OSBPL6: variants seen among roughly 807,000 people sequenced by gnomAD.
OSBPL6 encodes the protein oxysterol-binding protein-related protein 6.
A neutral mutation model predicts 125.8 loss-of-function variants in OSBPL6; 49 were observed. That is an observed-to-expected ratio of 0.39 (90% CI 0.31 to 0.49). The LOEUF (loss-of-function observed/expected upper bound fraction) is 0.49. Ranked by LOEUF, OSBPL6 falls within the 20% of genes least tolerant of loss-of-function variation. The probability of loss-of-function intolerance (pLI) is 0.88; values close to 1 mark genes in which losing one functional copy is unlikely to be tolerated. For synonymous variants in OSBPL6, 394 were observed against 391.8 expected (o/e 1.01, Z -0.07); for missense variants, 986 against 1,135.4 (o/e 0.87, Z 1.89).
At chr2:178,259,559 A>C (rs907525845) in intron 1 of OSBPL6, among the ~76,000 whole-genome samples, 4 of 152,126 alleles carry the variant, frequency 2.6e-5, no homozygotes, top group African/African-American at 9.7e-5. Context: ...ATTTTCTTTG[A>C]ATTCTTTAAC....
chr2:178,206,359 C>T (rs1199927093), intron 1 of OSBPL6, among the ~76,000 whole-genome samples: 2 of 152,180 alleles, frequency 1.3e-5, no homozygotes, highest in Non-Finnish European at 2.9e-5. Context: ...ACAGGAAAAA[C>T]GGTGTCCTTA....
chr2:178,270,761 C>T (rs1440994575), intron 1 of OSBPL6, among the ~76,000 whole-genome samples: 1 of 152,062 alleles, frequency 6.6e-6, no homozygotes, highest in African/African-American at 2.4e-5. Context: ...TAGAATAATC[C>T]ATTGGTCTTG....
chr2:178,320,748 A>G (rs930515751), intron 3 of OSBPL6, among the ~76,000 whole-genome samples: 1 of 152,254 alleles, frequency 6.6e-6, no homozygotes, highest in Non-Finnish European at 1.5e-5. Context: ...ATGACTACTC[A>G]TAGCTTTAAA....
chr2:178,328,477 G>A, intron 5 of OSBPL6, 99 bp downstream of exon 5: 1 of 1,458,090 alleles, frequency 6.9e-7, no homozygotes, highest in East Asian at 2.3e-5. Flanking sequence ...GGCAGTATGT[G>A]TAAAACTAGC....
chr2:178,270,657 T>C (rs1380442835), intron 1 of OSBPL6, among the ~76,000 whole-genome samples: 4 of 152,206 alleles, frequency 2.6e-5, no homozygotes, highest in Non-Finnish European at 5.9e-5. Flanking sequence ...AAGTTGGATG[T>C]TTGATATGAA....
At chr2:178,382,957 T>C in intron 16 of OSBPL6, 67 bp from the exon 17 acceptor site, 2 of 1,567,076 alleles carry the variant, frequency 1.3e-6, no homozygotes, top group South Asian at 1.2e-5. Context: ...TTGAAAGTTA[T>C]TTCCCTTCTT....
At chr2:178,248,213 G>A (rs939835129) in intron 1 of OSBPL6, among the ~76,000 whole-genome samples, 6 of 152,168 alleles carry the variant, frequency 3.9e-5, no homozygotes, top group Non-Finnish European at 7.4e-5. Context: ...AGAAAGTTTA[G>A]TCCCATCTTA....
intron 1 of OSBPL6, among the ~76,000 whole-genome samples, chr2:178,204,291 T>C (rs2089421653): frequency 6.6e-6 from 1 of 152,216 alleles, no homozygotes; most frequent in South Asian, 2.1e-4. Flanking sequence ...CCCAAAATGC[T>C]GGGATTACAG....
chr2:178,333,156 G>C, intron 8 of OSBPL6, 115 bp downstream of exon 8: 1 of 1,114,348 alleles, frequency 9.0e-7, no homozygotes, highest in Non-Finnish European at 1.3e-6. Flanking sequence ...GCCAAGGCGG[G>C]TGGATCGCCT....
intron 2 of OSBPL6, among the ~76,000 whole-genome samples, chr2:178,305,462 G>A (rs574944978): frequency 5.3e-4 from 81 of 152,264 alleles, no homozygotes; most frequent in African/African-American, 1.8e-3. Flanking sequence ...AGATGTTTGC[G>A]AGCATGTTGG....
At chr2:178,384,877 T>G (rs1287891024) in intron 18 of OSBPL6, among the ~76,000 whole-genome samples, 1 of 144,092 alleles carries the variant, frequency 6.9e-6, no homozygotes. Flanking sequence ...GTAGCCTTTT[T>G]AAAAAAAAAA....
At chr2:178,293,299 T>A (rs1685453299) in intron 2 of OSBPL6, among the ~76,000 whole-genome samples, 1 of 151,442 alleles carries the variant, frequency 6.6e-6, no homozygotes, top group South Asian at 2.1e-4. Context: ...TTGGGGAGAG[T>A]GGTGGGTGGG....
At chr2:178,237,464 C>T (rs1217915830) in intron 1 of OSBPL6, among the ~76,000 whole-genome samples, 2 of 152,206 alleles carry the variant, frequency 1.3e-5, no homozygotes, top group African/African-American at 2.4e-5. Flanking sequence ...TTGAAAAGGT[C>T]TCCTCTGTTG....
intron 15 of OSBPL6, 80 bp from the exon 16 acceptor site, chr2:178,382,340 G>T: frequency 1.3e-6 from 2 of 1,482,282 alleles, no homozygotes; most frequent in Non-Finnish European, 1.8e-6. Context: ...ACAATATTTT[G>T]TTATTTTTAA....
At chr2:178,195,833 G>C (rs762196666) in intron 1 of OSBPL6, among the ~76,000 whole-genome samples, 2 of 151,740 alleles carry the variant, frequency 1.3e-5, no homozygotes, top group Non-Finnish European at 2.9e-5. Context: ...AATTTTCTTG[G>C]ACATCTTTTC....
intron 1 of OSBPL6, among the ~76,000 whole-genome samples, chr2:178,202,545 G>A (rs1216344862): frequency 2.0e-5 from 3 of 151,806 alleles, no homozygotes; most frequent in Non-Finnish European, 2.9e-5. Context: ...TTTATCTGCC[G>A]GGCGCTGTGG....
intron 12 of OSBPL6, among the ~76,000 whole-genome samples, chr2:178,354,651 C>T (rs1024741529): frequency 6.6e-6 from 1 of 152,108 alleles, no homozygotes; most frequent in Non-Finnish European, 1.5e-5. Flanking sequence ...AGACTTAACA[C>T]CCCACTGTCA....
intron 1 of OSBPL6, among the ~76,000 whole-genome samples, chr2:178,282,778 A>G (rs6756568): frequency 0.051 from 7,736 of 152,136 alleles, 358 homozygotes; most frequent in African/African-American, 0.12. Context: ...CAGCCTCCTA[A>G]GTAGCTGGGA....
At chr2:178,355,931 A>G (rs1276362806) in intron 12 of OSBPL6, among the ~76,000 whole-genome samples, 2 of 152,258 alleles carry the variant, frequency 1.3e-5, no homozygotes, top group African/African-American at 2.4e-5. Context: ...GGCTGGTTCA[A>G]CATATGCAAA....
Sources: gnomAD v4.1 joint callset for allele counts (sites outside exome capture counted in the v4.1 genomes callset) on GRCh38, gnomAD v4.1.1 for gene constraint, MANE v1.5 for transcripts, NCBI Gene and HGNC (gene_info 2026-07-23, HGNC 2026-07-21) for gene names.